Variants in TRHDE observed in about 807,000 individuals in gnomAD.
The protein encoded by TRHDE is thyrotropin releasing hormone degrading enzyme.
Under a neutral mutation model 125.7 loss-of-function variants are expected in TRHDE, and 72 were observed. The ratio of observed to expected loss-of-function variants is 0.57; its 90% CI spans 0.47 to 0.70. TRHDE has a LOEUF of 0.70. Among genes scored for constraint, TRHDE ranks in the 30% least tolerant of loss-of-function variants. The pLI is 0.00. For missense variants in TRHDE, 1,110 were observed against 1,327.1 expected, an observed-to-expected ratio of 0.84 and a Z score of 2.54; for synonymous variants, 509 against 509.1, an observed-to-expected ratio of 1.00 and a Z score of 0.00.
chr12:72,105,254 G>C (rs1321813604), intron 1 of TRHDE, among the ~76,000 whole-genome samples: 1 of 152,112 alleles, frequency 6.6e-6, no homozygotes, highest in Non-Finnish European at 1.5e-5. Context: ...AGAAGGTGTG[G>C]GGCATGGCTC....
chr12:72,454,598 T>C (rs1287803491), intron 3 of TRHDE, among the ~76,000 whole-genome samples: 2 of 152,220 alleles, frequency 1.3e-5, no homozygotes, highest in African/African-American at 4.8e-5. Flanking sequence ...CATTGTATTT[T>C]ACTCGCCAAT....
chr12:72,334,176 T>C (rs987261456), intron 2 of TRHDE, among the ~76,000 whole-genome samples: 2 of 152,192 alleles, frequency 1.3e-5, no homozygotes, highest in Non-Finnish European at 2.9e-5. Context: ...CTGTGTAATA[T>C]ATTGTTCAGC....
chr12:72,509,550 G>A (rs1159940077), intron 6 of TRHDE, among the ~76,000 whole-genome samples: 2 of 152,136 alleles, frequency 1.3e-5, no homozygotes, highest in Admixed American at 6.6e-5. Flanking sequence ...TCCACATAGT[G>A]TCATGGTCCC....
At chr12:72,574,395 T>C (rs1266889271) in intron 10 of TRHDE, among the ~76,000 whole-genome samples, 1 of 152,048 alleles carries the variant, frequency 6.6e-6, no homozygotes, top group Non-Finnish European at 1.5e-5. Flanking sequence ...TGTGCGTATG[T>C]GTATACATTT....
intron 12 of TRHDE, among the ~76,000 whole-genome samples, chr12:72,616,247 G>T (rs1872807515): frequency 6.6e-6 from 1 of 151,898 alleles, no homozygotes; most frequent in Non-Finnish European, 1.5e-5. Flanking sequence ...CTAGATCCAT[G>T]TCCTGCCTCC....
chr12:72,223,104 A>G (rs1172675852), intron 2 of TRHDE, among the ~76,000 whole-genome samples: 5 of 152,092 alleles, frequency 3.3e-5, no homozygotes, highest in Non-Finnish European at 5.9e-5. Context: ...TGAGAAAGAA[A>G]TTACAAGAGG....
intron 12 of TRHDE, 95 bp downstream of exon 12, chr12:72,575,637 A>G (rs1870958102): frequency 1.7e-6 from 2 of 1,171,630 alleles, no homozygotes; most frequent in Admixed American, 2.1e-5. Context: ...TATTTAGGAC[A>G]TTTAAAAAAA....
At chr12:72,373,897 A>G (rs1592398527) in intron 2 of TRHDE, among the ~76,000 whole-genome samples, 1 of 152,126 alleles carries the variant, frequency 6.6e-6, no homozygotes, top group Non-Finnish European at 1.5e-5. Flanking sequence ...CCTTGTAAAA[A>G]CCTTGGCTTC....
At chr12:72,624,177 ATAAT>A (rs879860111) in intron 15 of TRHDE, among the ~76,000 whole-genome samples, 1 of 152,004 alleles carries the variant, frequency 6.6e-6, no homozygotes, top group Non-Finnish European at 1.5e-5. Context: ...TGACAGCTTG[ATAAT>A]TAAACAATAA....
intron 1 of TRHDE, among the ~76,000 whole-genome samples, chr12:72,089,646 A>G (rs532554909): frequency 6.6e-6 from 1 of 152,292 alleles, no homozygotes; most frequent in African/African-American, 2.4e-5. Context: ...TGATGACCCC[A>G]TTTAACAATG....
intron 2 of TRHDE, among the ~76,000 whole-genome samples, chr12:72,339,241 A>G (rs1364421169): frequency 6.6e-6 from 1 of 152,160 alleles, no homozygotes; most frequent in African/African-American, 2.4e-5. Context: ...TCTACTAATT[A>G]TGTTTACCTT....
intron 6 of TRHDE, among the ~76,000 whole-genome samples, chr12:72,511,103 G>C (rs1191146157): frequency 6.6e-6 from 1 of 152,034 alleles, no homozygotes; most frequent in Non-Finnish European, 1.5e-5. Flanking sequence ...TTAATATGAA[G>C]TACTTAGGCT....
rs566340109 is a variant in TRHDE, at chr12:72,304,344, A to G, written c.1188+17390A>G. Among the ~76,000 whole-genome samples the G allele has an allele frequency of 5.9e-5, 9 of 152,296 alleles. No individual in the cohort carries two copies. In the South Asian group the frequency reaches 1.9e-3, roughly 32 times the overall value. On this transcript the variant is annotated intron_variant, in intron 2 of 18. Transcript: ENST00000261180. ...GTAAATGAGGAAAGGAAATACCACC[A>G]TAAGGTGGGAACAGCTACAGAGGGA...
intron 2 of TRHDE, among the ~76,000 whole-genome samples, chr12:72,300,487 T>A (rs1318816553): frequency 6.6e-6 from 1 of 151,672 alleles, no homozygotes. Flanking sequence ...GACATATACA[T>A]GTGTGTATAT....
intron 6 of TRHDE, among the ~76,000 whole-genome samples, chr12:72,520,652 ATCT>A (rs1879152158): frequency 6.6e-6 from 1 of 152,232 alleles, no homozygotes; most frequent in South Asian, 2.1e-4. Context: ...CTATTCGGCC[ATCT>A]TCTTCACTTA....
At chr12:72,485,992 G>T (rs1877389408) in intron 5 of TRHDE, among the ~76,000 whole-genome samples, 1 of 152,234 alleles carries the variant, frequency 6.6e-6, no homozygotes, top group African/African-American at 2.4e-5. Flanking sequence ...ACCTCTCAGG[G>T]TCTACAGTCA....
chr12:72,580,719 G>A (rs2136035302), intron 12 of TRHDE, among the ~76,000 whole-genome samples: 1 of 152,346 alleles, frequency 6.6e-6, no homozygotes, highest in South Asian at 2.1e-4. Flanking sequence ...GGGATTACAG[G>A]CGTGAGCCAC....
chr12:72,436,545 T>G (rs1046282810), intron 3 of TRHDE, among the ~76,000 whole-genome samples: 1 of 151,932 alleles, frequency 6.6e-6, no homozygotes. Flanking sequence ...TTTATTCAAG[T>G]GTACCCCATC....
rs947494765 is a variant in TRHDE at position 72,272,885 on chromosome 12, T to C, written c.242T>C (p.Val81Ala). ...CGCACCACGGAGCGCCACATCGCCG[T>C]ACACAAGCGGCTTGTGCTGGCCTTC... ...RPRTTERHIAVHKRLVLAFAV... is the reference protein window; with the variant it reads ...RPRTTERHIAAHKRLVLAFAV... The change falls in exon 1 of 19, where the codon GTA becomes GCA. Residue 81 changes from valine to alanine, a missense_variant. Transcript: ENST00000261180. The surrounding 1 kb of genome is among the most constrained non-coding windows in gnomAD (Gnocchi z 6.7). 5.7e-6 allele frequency: 9 copies of C among 1,580,480 alleles called. No individual in the cohort carries two copies. Among genetic ancestry groups the C allele is most frequent in the Non-Finnish European group, 5.1e-6 (6 of 1,171,258 alleles).
Sources: allele counts gnomAD v4.1 joint callset (sites outside exome capture counted in the v4.1 genomes callset), GRCh38; gene constraint gnomAD v4.1.1; non-coding constraint Gnocchi (gnomAD v3.1); transcripts MANE v1.5; gene names NCBI Gene and HGNC (gene_info 2026-07-23, HGNC 2026-07-21).